The following NSD3 variants were observed in gnomAD, a reference collection of about 807,000 sequenced individuals.
NSD3 encodes the protein nuclear receptor binding SET domain protein 3.
A neutral mutation model predicts 160.8 loss-of-function variants in NSD3; 24 were observed. That is an observed-to-expected ratio of 0.15 (90% CI 0.11 to 0.21). The LOEUF (loss-of-function observed/expected upper bound fraction) is 0.21, where lower values mean the gene tolerates loss of function less well. NSD3 is among the 10% of genes least tolerant of loss of function. NSD3 has a pLI of 1.00. For synonymous variants in NSD3, 520 were observed against 600.0 expected (o/e 0.87, Z 1.95); for missense variants, 1,157 against 1,735.9 (o/e 0.67, Z 5.93).
chr8:38,295,982 G>A (rs1398549413), intron 15 of NSD3, 30 bp from the exon 16 acceptor site: 20 of 1,561,630 alleles, frequency 1.3e-5, no homozygotes, highest in Non-Finnish European at 1.6e-5. Context: ...CTTAATAACT[G>A]AGAAAAGAGG....
In NSD3 at chr8:38,314,666, G is replaced by C. The variant is rs769879162; in HGVS notation, c.2223C>G (p.Ile741Met). The C allele has an allele frequency of 6.2e-7, 1 of 1,614,164 alleles. No homozygotes were observed. The highest frequency in any genetic ancestry group is 8.5e-7 in the Non-Finnish European group (1 of 1,180,020). ...TCTTACCAGTTTTACATTCCATGCA[G>C]ATGAACTTGCTATCAGGAAGTGATG... ...GLASLPDSKF[I>M]CMECKTGQHP... Residue 741 changes from isoleucine (I) to methionine (M), a missense_variant, in exon 12 of 24, where the codon ATC (isoleucine) becomes ATG (methionine). Physicochemically the swap from Ile to Met is conservative, Grantham distance 10. Around this residue, in one of 10 missense-constraint regions of NSD3, gnomAD observed 437 missense variants for 576.6 expected, o/e 0.76. Coordinates refer to ENST00000317025, the MANE Select transcript of NSD3 (RefSeq NM_023034.2).
chr8:38,307,070 G>A (rs1466780676), intron 12 of NSD3, among the ~76,000 whole-genome samples: 8 of 147,522 alleles, frequency 5.4e-5, no homozygotes, highest in South Asian at 2.1e-4. Flanking sequence ...AGCCGAAATC[G>A]CGCCACCGCA....
At chr8:38,338,352 T>C (rs1034360198) in intron 3 of NSD3, among the ~76,000 whole-genome samples, 184 bp downstream of exon 3, 4 of 147,260 alleles carry the variant, frequency 2.7e-5, no homozygotes, top group African/African-American at 1.0e-4. Context: ...AAACAGGTCA[T>C]AGTTTTGAAA....
In NSD3 at chr8:38,321,246, C is replaced by A. The variant is rs1204079757; in HGVS notation, c.1709-74G>T. The A allele has an allele frequency of 1.6e-6, 2 of 1,233,424 alleles. No individual in the cohort carries two copies. Among genetic ancestry groups the A allele is most frequent in the Non-Finnish European group, 2.3e-6 (2 of 885,476 alleles). The allele number at this position is 1,233,424 out of a possible 1,614,324, so 76.4% of individuals were successfully genotyped here. On this transcript the variant is annotated intron_variant, in intron 7 of 23. Coordinates refer to ENST00000317025, the MANE Select transcript of NSD3 (RefSeq NM_023034.2). The surrounding 1 kb of genome is among the most constrained non-coding windows in gnomAD (Gnocchi z 4.7). ...TGACATCTATGTAATTAAGATATGACCACATTCCTTGCTTTTCTTACCCAT... is the reference window on the plus strand; with the variant it reads ...TGACATCTATGTAATTAAGATATGAACACATTCCTTGCTTTTCTTACCCAT...
chr8:38,275,751 G>T lies in NSD3; in HGVS notation c.4204C>A (p.Arg1402Ser). The T allele has an allele frequency of 1.9e-6, 3 of 1,614,130 alleles. No individual in the cohort carries two copies. Among genetic ancestry groups the T allele is most frequent in the Non-Finnish European group, 2.5e-6 (3 of 1,180,026 alleles). ...GALVPSALEGRLCCSEHDPMA... is the reference protein window; with the variant it reads ...GALVPSALEGSLCCSEHDPMA... ...GGGTCATGTTCCGAGCAGCAGAGGCGGCCTTCCAGTGCAGAGGGAACCAGG... is the reference window on the plus strand; with the variant it reads ...GGGTCATGTTCCGAGCAGCAGAGGCTGCCTTCCAGTGCAGAGGGAACCAGG... Residue 1402 changes from arginine (R) to serine (S), a missense_variant, in exon 24 of 24, where the codon CGC (arginine) becomes AGC (serine). Physicochemically the swap from Arg to Ser is moderately radical, Grantham distance 110. Around this residue, in one of 10 missense-constraint regions of NSD3, gnomAD observed 222 missense variants for 409.9 expected, o/e 0.54. Coordinates refer to ENST00000317025, the MANE Select transcript of NSD3 (RefSeq NM_023034.2).
intron 15 of NSD3, among the ~76,000 whole-genome samples, chr8:38,296,506 A>T (rs780111885): frequency 2.6e-5 from 4 of 152,164 alleles, no homozygotes; most frequent in Non-Finnish European, 5.9e-5. Context: ...AGAATCTCAA[A>T]TTGGTGATTA....
intron 16 of NSD3, among the ~76,000 whole-genome samples, chr8:38,292,898 G>A (rs1809036198): frequency 6.6e-6 from 1 of 151,866 alleles, no homozygotes; most frequent in Admixed American, 6.6e-5. Context: ...CTTGAACCCG[G>A]GAGGCGGAGG....
At chr8:38,305,066 T>C (rs747427905) in intron 13 of NSD3, among the ~76,000 whole-genome samples, 182 bp downstream of exon 13, 1 of 152,232 alleles carries the variant, frequency 6.6e-6, no homozygotes, top group Non-Finnish European at 1.5e-5. Flanking sequence ...TTTCTTCTCA[T>C]GGTCTGAATT....
At chr8:38,380,221 C>A (rs911086663) in intron 1 of NSD3, among the ~76,000 whole-genome samples, 6 of 152,106 alleles carry the variant, frequency 3.9e-5, no homozygotes, top group Non-Finnish European at 8.8e-5. Context: ...TTAACACACT[C>A]ATCACTTAAC....
intron 14 of NSD3, among the ~76,000 whole-genome samples, chr8:38,302,759 C>T (rs878887493): frequency 4.6e-5 from 7 of 152,248 alleles, no homozygotes; most frequent in Admixed American, 2.6e-4. Context: ...CTCAGCCTCT[C>T]GAGTAGCTGG....
intron 1 of NSD3, among the ~76,000 whole-genome samples, chr8:38,366,046 G>A (rs190863406): frequency 2.0e-5 from 3 of 150,698 alleles, no homozygotes; most frequent in Non-Finnish European, 4.4e-5. Flanking sequence ...GGGAGGCGAA[G>A]GTTGCAGTGG....
chr8:38,294,316 G>GA (rs1444605085), intron 16 of NSD3, among the ~76,000 whole-genome samples: 1 of 152,120 alleles, frequency 6.6e-6, no homozygotes, highest in African/African-American at 2.4e-5. Flanking sequence ...TGCTGGTCTT[G>GA]AACTCCTCAG....
At chr8:38,325,558 C>G (rs946563813) in intron 7 of NSD3, among the ~76,000 whole-genome samples, 5 of 152,272 alleles carry the variant, frequency 3.3e-5, no homozygotes, top group African/African-American at 1.2e-4. Context: ...ACTCTAAAAT[C>G]CTTAGTAAGT....
rs1044718129 is a variant in NSD3, at chr8:38,297,820, A to AT, written c.2758+1623dup. Among the ~76,000 whole-genome samples the AT allele has an allele frequency of 8.1e-4, 122 of 150,286 alleles. 1 individual carries two copies. Among genetic ancestry groups the AT allele is most frequent in the Middle Eastern group, 6.8e-3 (2 of 294 alleles). ...AATTTAAAGTAAAATGAGATTATTC[A>AT]TTTTTTTTTTCCATCAGAAAGGAAT... On this transcript the variant is annotated intron_variant, in intron 15 of 23. Transcript: ENST00000317025.
At chr8:38,322,014 G>A (rs1809804296) in intron 7 of NSD3, among the ~76,000 whole-genome samples, 1 of 152,164 alleles carries the variant, frequency 6.6e-6, no homozygotes, top group South Asian at 2.1e-4. Context: ...CTGCAGTGCA[G>A]CTGTTCTCCA....
chr8:38,374,824 G>A (rs993180217), intron 1 of NSD3, among the ~76,000 whole-genome samples: 10 of 152,018 alleles, frequency 6.6e-5, no homozygotes, highest in African/African-American at 2.4e-4. Flanking sequence ...CTAACACGGT[G>A]AAAACCCATC....
At chr8:38,293,850 G>C (rs966073794) in intron 16 of NSD3, among the ~76,000 whole-genome samples, 2 of 145,476 alleles carry the variant, frequency 1.4e-5, no homozygotes, top group African/African-American at 5.1e-5. Context: ...TTGAACCTGG[G>C]AGGTGGGGGT....
chr8:38,376,425 C>CT (rs1173268630), intron 1 of NSD3, among the ~76,000 whole-genome samples: 6 of 151,708 alleles, frequency 4.0e-5, no homozygotes, highest in Admixed American at 3.9e-4. Flanking sequence ...ATAGGCAGCT[C>CT]TAATTCTTTC....
rs749772637 is a variant in NSD3, at chr8:38,275,365, C to T, written c.*276G>A. The stretch of plus-strand genomic sequence containing the variant: ...TTTGTTCTTATTTTAACAGCAAAAA[C>T]ATTTCTTTTTCAAGCTGCAATGGCA... On this transcript the variant is annotated 3_prime_UTR_variant, in exon 24 of 24. Coordinates refer to ENST00000317025, the MANE Select transcript of NSD3 (RefSeq NM_023034.2). The T allele has an allele frequency of 2.1e-4, 73 of 344,768 alleles. No homozygotes were observed. The highest frequency in any genetic ancestry group is 3.2e-4 in the Non-Finnish European group (61 of 190,166). The allele number at this position is 344,768 out of a possible 1,614,324, so 21.4% of individuals were successfully genotyped here.
Sources: gnomAD v4.1 joint callset for allele counts (sites outside exome capture counted in the v4.1 genomes callset) on GRCh38, gnomAD v4.1.1 for gene constraint, gnomAD v4.1.1 regional missense constraint, Gnocchi (gnomAD v3.1) non-coding constraint, MANE v1.5 for transcripts, NCBI Gene and HGNC (gene_info 2026-07-23, HGNC 2026-07-21) for gene names.